The following SSBP3 variants were observed in gnomAD, a reference collection of about 807,000 sequenced individuals.
SSBP3 encodes the protein single-stranded DNA-binding protein 3.
A neutral mutation model predicts 69.6 loss-of-function variants in SSBP3; 5 were observed. That is an observed-to-expected ratio of 0.07 (90% CI 0.04 to 0.15). The LOEUF (loss-of-function observed/expected upper bound fraction) is 0.15, where lower values mean the gene tolerates loss of function less well. SSBP3 is among the 10% of genes least tolerant of loss of function. The pLI, the probability that SSBP3 is intolerant of heterozygous loss-of-function variation, is 1.00. For missense variants in SSBP3, 312 were observed against 534.0 expected (o/e 0.58, Z 4.10); for synonymous variants, 196 against 193.4 (o/e 1.01, Z -0.11).
At chr1:54,243,471 G>T in intron 9 of SSBP3, 172 bp from the exon 10 acceptor site, 1 of 733,026 alleles carries the variant, frequency 1.4e-6, no homozygotes, top group Admixed American at 2.2e-5. Context: ...CCAAGTCACA[G>T]GGACCACAAT....
At chr1:54,328,012 A>G (rs1247592063) in intron 4 of SSBP3, among the ~76,000 whole-genome samples, 1 of 152,232 alleles carries the variant, frequency 6.6e-6, no homozygotes, top group African/African-American at 2.4e-5. Flanking sequence ...AAAGCTCATG[A>G]TAAATGTTAT....
intron 4 of SSBP3, among the ~76,000 whole-genome samples, chr1:54,311,457 G>A (rs964434059): frequency 6.6e-6 from 1 of 152,214 alleles, no homozygotes; most frequent in Non-Finnish European, 1.5e-5. Context: ...CTGACTTGCA[G>A]GACCTGTCGT....
At chr1:54,340,130 C>G (rs530602263) in intron 4 of SSBP3, among the ~76,000 whole-genome samples, 1 of 152,104 alleles carries the variant, frequency 6.6e-6, no homozygotes, top group Non-Finnish European at 1.5e-5. Flanking sequence ...AGGTCCCTGA[C>G]ATGTGACTTG....
At chr1:54,297,318 A>G (rs1016692388) in intron 4 of SSBP3, among the ~76,000 whole-genome samples, 1 of 152,210 alleles carries the variant, frequency 6.6e-6, no homozygotes, top group Non-Finnish European at 1.5e-5. Context: ...TGAAGCACAA[A>G]TGAAGAAACA....
chr1:54,309,937 G>A (rs944737584), intron 4 of SSBP3, among the ~76,000 whole-genome samples: 6 of 152,140 alleles, frequency 3.9e-5, no homozygotes, highest in South Asian at 2.1e-4. Flanking sequence ...ATGTTGGTGC[G>A]GGAAGGGGTG....
intron 4 of SSBP3, among the ~76,000 whole-genome samples, chr1:54,305,071 C>T (rs897545300): frequency 6.6e-6 from 1 of 152,332 alleles, no homozygotes; most frequent in East Asian, 1.9e-4. Context: ...CGAGCAGAGA[C>T]CATGTATGCC....
chr1:54,409,480 T>G (rs894442767), upstream of SSBP3, among the ~76,000 whole-genome samples: 25 of 152,028 alleles, frequency 1.6e-4, no homozygotes, highest in Non-Finnish European at 7.4e-5. Flanking sequence ...TAACACTCAG[T>G]GCAGGCACCA....
intron 4 of SSBP3, among the ~76,000 whole-genome samples, chr1:54,295,899 C>T (rs1380796399): frequency 6.6e-6 from 1 of 152,204 alleles, no homozygotes; most frequent in Non-Finnish European, 1.5e-5. Flanking sequence ...CCCTCCAATC[C>T]TATATGAGAC....
At chr1:54,353,682 C>G (rs553709825) in intron 4 of SSBP3, among the ~76,000 whole-genome samples, 13 of 152,304 alleles carry the variant, frequency 8.5e-5, no homozygotes, top group African/African-American at 3.1e-4. Flanking sequence ...GAGGGCTGGC[C>G]TGCCCCATCC....
At chr1:54,275,755 G>A (rs957686629) in intron 5 of SSBP3, among the ~76,000 whole-genome samples, 2 of 152,158 alleles carry the variant, frequency 1.3e-5, no homozygotes, top group Non-Finnish European at 2.9e-5. Flanking sequence ...TTCTCTCAAG[G>A]ACTTGGAATG....
At chr1:54,373,465 T>C (rs1187911371) in intron 4 of SSBP3, among the ~76,000 whole-genome samples, 2 of 152,050 alleles carry the variant, frequency 1.3e-5, no homozygotes, top group Non-Finnish European at 2.9e-5. Flanking sequence ...AGAGTTGTTT[T>C]GAAAAAAACA....
chr1:54,271,999 A>T (rs1217623345), intron 5 of SSBP3, among the ~76,000 whole-genome samples: 5 of 151,888 alleles, frequency 3.3e-5, no homozygotes, highest in Admixed American at 2.6e-4. Context: ...CGAACTCCCG[A>T]CCTCAGGTGA....
At chr1:54,374,814 A>G (rs1647190485) in intron 4 of SSBP3, among the ~76,000 whole-genome samples, 1 of 152,238 alleles carries the variant, frequency 6.6e-6, no homozygotes, top group African/African-American at 2.4e-5. Flanking sequence ...AACGTGAGCT[A>G]ACTGACTTCC....
At chr1:54,285,325 C>G (rs963954411) in intron 4 of SSBP3, 1 of 152,040 alleles carries the variant, frequency 6.6e-6, no homozygotes, top group African/African-American at 2.4e-5. Context: ...AAATCTAAAC[C>G]AAGGTACCCT....
rs746933473 is a variant in SSBP3, at chr1:54,276,608, C to CAAAAAAAA, written c.366+4822_366+4829dup. Among the ~76,000 whole-genome samples the CAAAAAAAA allele has an allele frequency of 4.5e-4, 16 of 35,212 alleles. 1 individual carries two copies. Among genetic ancestry groups the CAAAAAAAA allele is most frequent in the African/African-American group, 1.8e-3 (12 of 6,692 alleles). 23.1% of individuals were successfully genotyped at this position (35,212 alleles called of 152,430 possible). ...TGGGTGACAGAGTGAGACTCTGTCT[C>CAAAAAAAA]AAAAAAAAAAAAAAAAAAAAAAAAA... On this transcript the variant is annotated intron_variant, in intron 5 of 17. Coordinates refer to ENST00000610401, the Ensembl canonical transcript of SSBP3.
intron 4 of SSBP3, chr1:54,287,339 G>A (rs933444268): frequency 6.6e-6 from 1 of 152,216 alleles, no homozygotes; most frequent in Non-Finnish European, 1.5e-5. Flanking sequence ...GCAGCTTGGG[G>A]GCCACATGCA....
chr1:54,354,821 C>T (rs1354271992), intron 4 of SSBP3, among the ~76,000 whole-genome samples: 1 of 152,308 alleles, frequency 6.6e-6, no homozygotes, highest in Non-Finnish European at 1.5e-5. Flanking sequence ...TGTGTTAAGA[C>T]ACGGTGCCTT....
intron 4 of SSBP3, among the ~76,000 whole-genome samples, chr1:54,353,493 A>C (rs1646815602): frequency 6.6e-6 from 1 of 152,198 alleles, no homozygotes; most frequent in African/African-American, 2.4e-5. Context: ...ATCCACTCTG[A>C]AAAACCCTGT....
chr1:54,405,742 C>T (rs1649691405), intron 1 of SSBP3, among the ~76,000 whole-genome samples: 2 of 151,568 alleles, frequency 1.3e-5, no homozygotes, highest in Admixed American at 1.3e-4. Context: ...GCCCCTTCCC[C>T]GATCCCCCAA....
Sources: gnomAD v4.1 joint callset for allele counts (sites outside exome capture counted in the v4.1 genomes callset) on GRCh38, gnomAD v4.1.1 for gene constraint, MANE v1.5 for transcripts, NCBI Gene and HGNC (gene_info 2026-07-23, HGNC 2026-07-21) for gene names.